MAPKAP1: variants seen among roughly 807,000 people sequenced by gnomAD.
MAPKAP1 encodes the protein target of rapamycin complex 2 subunit MAPKAP1.
In MAPKAP1, 20 loss-of-function variants were observed where a neutral mutation model predicts 65.7. That is an observed-to-expected ratio of 0.30 (90% CI 0.21 to 0.44). MAPKAP1 has a LOEUF of 0.44. Ranked by LOEUF, MAPKAP1 falls within the 20% of genes least tolerant of loss-of-function variation. The probability of loss-of-function intolerance (pLI) is 1.00; values close to 1 mark genes in which losing one functional copy is unlikely to be tolerated. For missense variants in MAPKAP1, 423 were observed against 648.0 expected (o/e 0.65, Z 3.77); for synonymous variants, 222 against 244.3 (o/e 0.91, Z 0.85).
intron 4 of MAPKAP1, among the ~76,000 whole-genome samples, chr9:125,598,871 C>A (rs1392355623): frequency 6.6e-6 from 1 of 151,922 alleles, no homozygotes; most frequent in Non-Finnish European, 1.5e-5. Flanking sequence ...AAAACCCCGT[C>A]TCTACTAAAA....
intron 1 of MAPKAP1, among the ~76,000 whole-genome samples, chr9:125,685,234 G>A (rs1022669032): frequency 3.3e-5 from 5 of 152,198 alleles, no homozygotes; most frequent in African/African-American, 1.2e-4. Context: ...ATAGCACAGA[G>A]AAAGAAATGG....
intron 4 of MAPKAP1, among the ~76,000 whole-genome samples, chr9:125,613,274 C>T (rs1832655468): frequency 6.6e-6 from 1 of 152,150 alleles, no homozygotes; most frequent in East Asian, 1.9e-4. Context: ...ACTGTACCAC[C>T]CAGATTCCCT....
chr9:125,659,326 T>C (rs532186292), intron 3 of MAPKAP1, among the ~76,000 whole-genome samples: 3 of 152,164 alleles, frequency 2.0e-5, no homozygotes, highest in Admixed American at 6.5e-5. Flanking sequence ...ACATAAGTAA[T>C]GTATAGACTT....
At chr9:125,616,041 A>G (rs750628767) in intron 4 of MAPKAP1, among the ~76,000 whole-genome samples, 7 of 152,218 alleles carry the variant, frequency 4.6e-5, no homozygotes, top group Non-Finnish European at 8.8e-5. Context: ...AAAACCAAAT[A>G]AACAATTGAA....
rs139718183 is a variant in MAPKAP1 at position 125,648,267 on chromosome 9, T to C, written c.498+9384A>G. ...AGCCTGTTCCCTCACCTGGAGCTAA[T>C]ACTCCCTAGATCACTGTTCTGTTAG... is the stretch of plus-strand genomic sequence containing the variant. On this transcript the variant is annotated intron_variant, in intron 4 of 11. Coordinates refer to ENST00000265960, the MANE Select transcript of MAPKAP1 (RefSeq NM_001006617.3). 4.6e-5 allele frequency among the ~76,000 whole-genome samples: 7 copies of C among 152,290 alleles called. No individual in the cohort carries two copies. The East Asian group carries it at 1.2e-3, about 25-fold the overall frequency.
At chr9:125,496,864 G>C (rs1415010673) in intron 8 of MAPKAP1, among the ~76,000 whole-genome samples, 2 of 152,156 alleles carry the variant, frequency 1.3e-5, no homozygotes, top group Non-Finnish European at 2.9e-5. Context: ...GGAGATGTGA[G>C]GGGCTCAGGA....
chr9:125,520,328 C>T (rs969631664), intron 7 of MAPKAP1, among the ~76,000 whole-genome samples: 6 of 152,204 alleles, frequency 3.9e-5, no homozygotes, highest in Non-Finnish European at 7.3e-5. Flanking sequence ...AAGCAGCACT[C>T]GGAAAGAGAA....
chr9:125,643,484 T>A (rs990042002), intron 4 of MAPKAP1, among the ~76,000 whole-genome samples: 7 of 152,196 alleles, frequency 4.6e-5, no homozygotes, highest in African/African-American at 1.4e-4. Context: ...TGTGAGCCAC[T>A]GCGCCTGGCC....
chr9:125,629,250 C>T (rs1306109098), intron 4 of MAPKAP1, among the ~76,000 whole-genome samples: 1 of 152,188 alleles, frequency 6.6e-6, no homozygotes, highest in Non-Finnish European at 1.5e-5. Flanking sequence ...TCTGGGTATA[C>T]ACGCAAAAGA....
rs573431537 is a variant in MAPKAP1 at position 125,571,474 on chromosome 9, G to A, written c.672-11665C>T. Among the ~76,000 whole-genome samples the A allele has an allele frequency of 2.0e-4, 30 of 152,284 alleles. 1 individual carries two copies. The South Asian group carries it at 4.4e-3, about 22-fold the overall frequency. On this transcript the variant is annotated intron_variant, in intron 5 of 11. Transcript: ENST00000265960. The stretch of plus-strand genomic sequence containing the variant: ...CTTTTAAAACTCTTATGAAGAGCTG[G>A]AATGTTCATGAATATCTAATAGAAC...
chr9:125,648,558 G>C (rs973130273), intron 4 of MAPKAP1, among the ~76,000 whole-genome samples: 3 of 152,176 alleles, frequency 2.0e-5, no homozygotes, highest in Admixed American at 6.5e-5. Flanking sequence ...TAACACTCAA[G>C]TCTTCTGATT....
intron 6 of MAPKAP1, among the ~76,000 whole-genome samples, chr9:125,551,617 T>G (rs1375869174): frequency 6.6e-6 from 1 of 152,066 alleles, no homozygotes; most frequent in Non-Finnish European, 1.5e-5. Context: ...ACTTCTAACC[T>G]AAGGAGATTC....
At chr9:125,443,098 T>C (rs1852555265) in intron 11 of MAPKAP1, among the ~76,000 whole-genome samples, 1 of 152,250 alleles carries the variant, frequency 6.6e-6, no homozygotes, top group Admixed American at 6.5e-5. Flanking sequence ...GCTGTGAAGA[T>C]GCACTGTGAT....
chr9:125,515,054 A>C (rs965885180), intron 7 of MAPKAP1, among the ~76,000 whole-genome samples: 2 of 152,148 alleles, frequency 1.3e-5, no homozygotes, highest in African/African-American at 4.8e-5. Flanking sequence ...GCTGTAGCTT[A>C]TACCCCCTCT....
At chr9:125,490,144 C>T (rs1434237185) in intron 8 of MAPKAP1, among the ~76,000 whole-genome samples, 3 of 152,150 alleles carry the variant, frequency 2.0e-5, no homozygotes, top group African/African-American at 7.2e-5. Flanking sequence ...GTGGGGAATT[C>T]CCAAGTCCCC....
chr9:125,610,728 C>A (rs1275190273), intron 4 of MAPKAP1, among the ~76,000 whole-genome samples: 19 of 152,180 alleles, frequency 1.2e-4, no homozygotes, highest in Admixed American at 1.2e-3. Context: ...AAATTTCTAT[C>A]CCAAATTCGT....
chr9:125,684,376 T>C (rs1296886559), intron 1 of MAPKAP1, among the ~76,000 whole-genome samples: 2 of 152,126 alleles, frequency 1.3e-5, no homozygotes, highest in African/African-American at 2.4e-5. Flanking sequence ...CATGGTACAA[T>C]GCACAAGGCA....
intron 4 of MAPKAP1, among the ~76,000 whole-genome samples, chr9:125,637,553 T>C (rs1439766370): frequency 6.6e-6 from 1 of 152,236 alleles, no homozygotes; most frequent in Non-Finnish European, 1.5e-5. Context: ...CAGATTTAAG[T>C]ACTGTGTAAA....
rs1226172387 is a variant in MAPKAP1 at position 125,545,710 on chromosome 9, C to T, written c.849-2542G>A. On this transcript the variant is annotated intron_variant, in intron 6 of 11. Transcript: ENST00000265960. Reference sequence around the variant, plus strand: ...GAAGCCTTGTGTTTGGACTAATTTCCATAAATTAAAAGTGTCCTTTTAAAA... The same window carrying T: ...GAAGCCTTGTGTTTGGACTAATTTCTATAAATTAAAAGTGTCCTTTTAAAA... Among the ~76,000 whole-genome samples, 6 of 152,142 alleles carry T rather than the reference C, an allele frequency of 3.9e-5. No homozygotes were observed. The South Asian group carries it at 1.2e-3, about 32-fold the overall frequency.
Sources: allele counts gnomAD v4.1 joint callset (sites outside exome capture counted in the v4.1 genomes callset), GRCh38; gene constraint gnomAD v4.1.1; transcripts MANE v1.5; gene names NCBI Gene and HGNC (gene_info 2026-07-23, HGNC 2026-07-21).